The following SKIC3 variants were observed in gnomAD, a reference collection of about 807,000 sequenced individuals.
SKIC3 encodes SKI3 subunit of superkiller complex.
At chr5:95,498,578 C>G in the SKIC3 span, 3 of 1,613,752 alleles carry the variant, frequency 1.9e-6, no homozygotes, top group Non-Finnish European at 2.5e-6. Context: ...GTGGTTGGTT[C>G]CTTTAAGATA....
the SKIC3 span, among the ~76,000 whole-genome samples, chr5:95,487,119 G>GC: frequency 6.6e-6 from 1 of 152,070 alleles, no homozygotes; most frequent in Non-Finnish European, 1.5e-5. Context: ...ACACGAAAAA[G>GC]CAAGACCGGC....
At chr5:95,497,936 G>A in the SKIC3 span, among the ~76,000 whole-genome samples, 1 of 151,952 alleles carries the variant, frequency 6.6e-6, no homozygotes, top group African/African-American at 2.4e-5. Context: ...CTACAGACAT[G>A]ACACTTTACT....
chr5:95,522,451 T>C, the SKIC3 span: 1 of 974,060 alleles, frequency 1.0e-6, no homozygotes, highest in African/African-American at 1.7e-5. Flanking sequence ...GCAGATAAAT[T>C]TGTTCCTTTT....
At chr5:95,516,955 G>A in the SKIC3 span, 2 of 1,612,178 alleles carry the variant, frequency 1.2e-6, no homozygotes, top group East Asian at 2.2e-5. Context: ...GATCATTCAT[G>A]TTGCTGCCTG....
chr5:95,510,285 C>CT, the SKIC3 span, among the ~76,000 whole-genome samples: 2 of 152,182 alleles, frequency 1.3e-5, no homozygotes, highest in Admixed American at 1.3e-4. Context: ...TCGTTCATTC[C>CT]TGGGCACAGG....
At chr5:95,490,151 G>A in the SKIC3 span, among the ~76,000 whole-genome samples, 1 of 151,974 alleles carries the variant, frequency 6.6e-6, no homozygotes, top group African/African-American at 2.4e-5. Context: ...AATCTGATTA[G>A]ATTAACAGCT....
At chr5:95,554,216 C>T in the SKIC3 span, among the ~76,000 whole-genome samples, 1 of 149,416 alleles carries the variant, frequency 6.7e-6, no homozygotes, top group Non-Finnish European at 1.5e-5. Flanking sequence ...TTATCTTAGG[C>T]AAAAAAAAAC....
the SKIC3 span, among the ~76,000 whole-genome samples, chr5:95,529,522 C>T: frequency 6.6e-6 from 1 of 152,146 alleles, no homozygotes; most frequent in African/African-American, 2.4e-5. Context: ...TGTACATACA[C>T]TTCATTCTCA....
At chr5:95,524,496 T>A in the SKIC3 span, 2 of 1,613,634 alleles carry the variant, frequency 1.2e-6, no homozygotes, top group South Asian at 2.2e-5. Context: ...CTTTGTTTTA[T>A]CTTTTCTTGT....
chr5:95,496,947 T>C, the SKIC3 span, among the ~76,000 whole-genome samples: 1 of 152,226 alleles, frequency 6.6e-6, no homozygotes. Context: ...TAAAATATAG[T>C]ATATAATCCT....
chr5:95,491,377 T>A, the SKIC3 span, among the ~76,000 whole-genome samples: 2 of 152,200 alleles, frequency 1.3e-5, no homozygotes, highest in Admixed American at 1.3e-4. Flanking sequence ...GTCTCACTCA[T>A]CTTCATGACT....
At chr5:95,538,316 T>G in the SKIC3 span, among the ~76,000 whole-genome samples, 121 of 152,276 alleles carry the variant, frequency 7.9e-4, no homozygotes, top group African/African-American at 2.8e-3. Context: ...ACTGCTCAAT[T>G]TTTTCCACAA....
the SKIC3 span, chr5:95,498,638 T>C: frequency 1.3e-6 from 2 of 1,551,236 alleles, no homozygotes; most frequent in Non-Finnish European, 1.8e-6. Context: ...TTTTTTTTTT[T>C]TTTTTGAGAC....
the SKIC3 span, among the ~76,000 whole-genome samples, chr5:95,530,573 T>A: frequency 2.0e-5 from 3 of 152,090 alleles, no homozygotes; most frequent in Non-Finnish European, 2.9e-5. Context: ...AAGCAGAGTG[T>A]CTTCCTCAAG....
the SKIC3 span, among the ~76,000 whole-genome samples, chr5:95,510,031 G>C: frequency 6.6e-6 from 1 of 152,074 alleles, no homozygotes; most frequent in Non-Finnish European, 1.5e-5. Flanking sequence ...AAGCCTTCCT[G>C]TGATTAAATT....
chr5:95,509,891 T>C, the SKIC3 span, among the ~76,000 whole-genome samples: 2 of 152,326 alleles, frequency 1.3e-5, no homozygotes, highest in African/African-American at 2.4e-5. Context: ...TTAATAGTTA[T>C]ATTTGATTTT....
At chr5:95,481,898 CT>C in the SKIC3 span, among the ~76,000 whole-genome samples, 7 of 152,092 alleles carry the variant, frequency 4.6e-5, no homozygotes, top group African/African-American at 1.2e-4. Flanking sequence ...GATACTTTCT[CT>C]GGGGCACAGA....
At chr5:95,492,015 C>A in the SKIC3 span, among the ~76,000 whole-genome samples, 1 of 151,908 alleles carries the variant, frequency 6.6e-6, no homozygotes, top group South Asian at 2.1e-4. Context: ...TTATAGGTGA[C>A]CAGTATTATT....
the SKIC3 span, chr5:95,509,521 G>A: frequency 2.9e-5 from 33 of 1,150,064 alleles, no homozygotes; most frequent in African/African-American, 4.7e-4. Flanking sequence ...CAACGCACAG[G>A]CCAGTCAGAG....
Sources: gnomAD v4.1 joint callset for allele counts (sites outside exome capture counted in the v4.1 genomes callset) on GRCh38, gnomAD v4.1.1 for gene constraint, MANE v1.5 for transcripts, NCBI Gene and HGNC (gene_info 2026-07-23, HGNC 2026-07-21) for gene names.